Variants in ATP8A2 observed in about 807,000 individuals in gnomAD.
The protein encoded by ATP8A2 is ATPase phospholipid transporting 8A2.
Under a neutral mutation model 165.6 loss-of-function variants are expected in ATP8A2, and 100 were observed. The ratio of observed to expected loss-of-function variants is 0.60; its 90% CI spans 0.51 to 0.71. The LOEUF (loss-of-function observed/expected upper bound fraction) is 0.71, where lower values mean the gene tolerates loss of function less well. ATP8A2 is among the 30% of genes least tolerant of loss of function. The pLI is 0.00. For missense variants in ATP8A2, 1,227 were observed against 1,479.5 expected (o/e 0.83, Z 2.80); for synonymous variants, 543 against 548.8 (o/e 0.99, Z 0.15).
At chr13:25,916,750 T>C (rs532912692) in intron 33 of ATP8A2, among the ~76,000 whole-genome samples, 1 of 152,350 alleles carries the variant, frequency 6.6e-6, no homozygotes, top group South Asian at 2.1e-4. Flanking sequence ...CATTTTTGTT[T>C]TGCTGCACAA....
chr13:25,992,684 T>TG (rs36085357), intron 35 of ATP8A2, among the ~76,000 whole-genome samples: 1 of 151,892 alleles, frequency 6.6e-6, no homozygotes, highest in East Asian at 1.9e-4. Flanking sequence ...ATAGTTTTTT[T>TG]TTTGTTTGTT....
chr13:25,864,146 T>C (rs1305255058), intron 33 of ATP8A2, among the ~76,000 whole-genome samples: 3 of 152,176 alleles, frequency 2.0e-5, no homozygotes, highest in Non-Finnish European at 4.4e-5. Context: ...GGATCTGCTG[T>C]GATGAATATT....
At chr13:25,436,218 CCAGA>C (rs1358956701) in intron 1 of ATP8A2, among the ~76,000 whole-genome samples, 1 of 151,884 alleles carries the variant, frequency 6.6e-6, no homozygotes. Context: ...ATCCTGTTAC[CCAGA>C]CAGTGAGCAC....
intron 10 of ATP8A2, among the ~76,000 whole-genome samples, chr13:25,545,455 T>A (rs1240486043): frequency 6.6e-6 from 1 of 152,010 alleles, no homozygotes; most frequent in Admixed American, 6.6e-5. Context: ...GGGTGGCTCA[T>A]TGGGACCAGG....
intron 24 of ATP8A2, chr13:25,591,361 G>A (rs1295523438): frequency 2.2e-6 from 1 of 456,526 alleles, no homozygotes; most frequent in Non-Finnish European, 4.4e-6. Flanking sequence ...GTGTCTCTAT[G>A]AATTTCACAG....
In ATP8A2 at chr13:25,372,403, C is replaced by G; in HGVS notation, c.76+115C>G. 1 of 745,228 alleles carries G rather than the reference C, an allele frequency of 1.3e-6. No individual in the cohort carries two copies. Among genetic ancestry groups the G allele is most frequent in the Admixed American group, 4.5e-5 (1 of 22,158 alleles). The allele number at this position is 745,228 out of a possible 1,614,324, so 46.2% of individuals were successfully genotyped here. Reference sequence around the variant, plus strand: ...GCGCCCCGCTCCCCTCCCTGGGCTCCCTGGGCTCTCTGGGCTGCAGGATCC... The same window carrying G: ...GCGCCCCGCTCCCCTCCCTGGGCTCGCTGGGCTCTCTGGGCTGCAGGATCC... On this transcript the variant is annotated intron_variant, in intron 1 of 36. Transcript: ENST00000381655. The surrounding 1 kb of genome is among the most constrained non-coding windows in gnomAD (Gnocchi z 4.8).
chr13:25,518,680 G>A (rs865779979), intron 2 of ATP8A2, among the ~76,000 whole-genome samples: 1 of 152,178 alleles, frequency 6.6e-6, no homozygotes, highest in Non-Finnish European at 1.5e-5. Context: ...CTCTGGTATT[G>A]TCTGTGGGTT....
intron 1 of ATP8A2, among the ~76,000 whole-genome samples, chr13:25,407,365 G>C (rs1024627017): frequency 3.9e-5 from 6 of 152,084 alleles, no homozygotes; most frequent in Non-Finnish European, 4.4e-5. Flanking sequence ...TTCCTCACTA[G>C]TAAAAGTTAA....
intron 33 of ATP8A2, among the ~76,000 whole-genome samples, chr13:25,897,033 G>A (rs1212494026): frequency 2.2e-4 from 34 of 152,042 alleles, no homozygotes; most frequent in African/African-American, 4.6e-4. Flanking sequence ...GCCCATTTAC[G>A]TTTAAGGTTA....
intron 1 of ATP8A2, among the ~76,000 whole-genome samples, chr13:25,448,112 T>C (rs1477548182): frequency 6.6e-6 from 1 of 152,198 alleles, no homozygotes; most frequent in African/African-American, 2.4e-5. Context: ...GGGCCATGGG[T>C]CCAGGCTTGA....
chr13:25,664,082 G>A (rs1388677762), intron 24 of ATP8A2, among the ~76,000 whole-genome samples: 2 of 152,066 alleles, frequency 1.3e-5, no homozygotes, highest in African/African-American at 2.4e-5. Context: ...GGTGGCAGGC[G>A]CCTGTAATCC....
intron 35 of ATP8A2, among the ~76,000 whole-genome samples, chr13:26,001,313 T>C (rs918059848): frequency 6.6e-6 from 1 of 152,238 alleles, no homozygotes; most frequent in East Asian, 1.9e-4. Context: ...TTTCTACTTT[T>C]GGCTTTTGTG....
chr13:25,956,504 C>T (rs1043629818), intron 33 of ATP8A2, among the ~76,000 whole-genome samples: 4 of 152,014 alleles, frequency 2.6e-5, no homozygotes, highest in Non-Finnish European at 4.4e-5. Flanking sequence ...AAATCATAAG[C>T]GAACTTCCAT....
At chr13:25,853,812 A>C (rs904644973) in intron 30 of ATP8A2, among the ~76,000 whole-genome samples, 5 of 152,164 alleles carry the variant, frequency 3.3e-5, no homozygotes, top group Admixed American at 6.5e-5. Flanking sequence ...TCTGAGACTC[A>C]AGTTTCTGCT....
chr13:25,410,915 C>A (rs771964627), intron 1 of ATP8A2, among the ~76,000 whole-genome samples: 4 of 152,196 alleles, frequency 2.6e-5, no homozygotes, highest in Non-Finnish European at 5.9e-5. Flanking sequence ...TAACCATTTT[C>A]CTTTGTTCTT....
chr13:25,896,918 T>G (rs1953571635), intron 33 of ATP8A2, among the ~76,000 whole-genome samples: 1 of 152,220 alleles, frequency 6.6e-6, no homozygotes, highest in Non-Finnish European at 1.5e-5. Context: ...ATTTTGAGCC[T>G]ATGTGTGTCT....
At chr13:25,685,922 A>C (rs1395916888) in intron 24 of ATP8A2, among the ~76,000 whole-genome samples, 1 of 152,188 alleles carries the variant, frequency 6.6e-6, no homozygotes, top group Non-Finnish European at 1.5e-5. Context: ...TGACCCTAGC[A>C]GTGGCCAGGT....
intron 1 of ATP8A2, among the ~76,000 whole-genome samples, chr13:25,399,889 C>T (rs2138011009): frequency 2.0e-5 from 1 of 51,170 alleles, no homozygotes; most frequent in East Asian, 7.2e-4. Flanking sequence ...CTTCCTCCTC[C>T]TCCTCCTCTT....
chr13:25,544,701 G>GAATGA (rs2038589053), intron 10 of ATP8A2, among the ~76,000 whole-genome samples: 1 of 152,124 alleles, frequency 6.6e-6, no homozygotes, highest in African/African-American at 2.4e-5. Flanking sequence ...ATTCAATGTT[G>GAATGA]ACAAGTAAGG....
Sources: allele counts gnomAD v4.1 joint callset (sites outside exome capture counted in the v4.1 genomes callset), GRCh38; gene constraint gnomAD v4.1.1; non-coding constraint Gnocchi (gnomAD v3.1); transcripts MANE v1.5; gene names NCBI Gene and HGNC (gene_info 2026-07-23, HGNC 2026-07-21).